The following CISD1 variants were observed in gnomAD, a reference collection of about 807,000 sequenced individuals.
CISD1 encodes the protein CDGSH iron sulfur domain 1, also known as CDGSH iron-sulfur domain-containing protein 1.
CISD1 carries 8 observed loss-of-function variants against 12.0 expected under a neutral mutation model. That is an observed-to-expected ratio of 0.67 (90% CI 0.39 to 1.20). The LOEUF is 1.20. CISD1 is among the 50% of genes most tolerant of loss of function. The pLI, the probability that CISD1 is intolerant of heterozygous loss-of-function variation, is 0.01. For missense variants in CISD1, 107 were observed against 132.7 expected (o/e 0.81, Z 0.95); for synonymous variants, 38 against 42.2 (o/e 0.90, Z 0.39).
chr10:58,271,193 C>G lies in CISD1; in HGVS notation c.31+1889C>G, dbSNP rs375736915. Among the ~76,000 whole-genome samples, 24 of 149,922 alleles carry G rather than the reference C, an allele frequency of 1.6e-4. No individual in the cohort carries two copies. In the East Asian group the frequency reaches 3.3e-3, roughly 21 times the overall value. On this transcript the variant is annotated intron_variant, in intron 1 of 2. Coordinates refer to ENST00000333926, the MANE Select transcript of CISD1 (RefSeq NM_018464.5). ...TAGCTGGGACTACAGGCGCCCGCCA[C>G]TACGCCCGGCTAATTTTTTGTATTT...
rs555344432 is a variant in CISD1, at chr10:58,272,885, C to T, written c.31+3581C>T. 5.9e-5 allele frequency among the ~76,000 whole-genome samples: 9 copies of T among 152,240 alleles called. No individual in the cohort carries two copies. In the South Asian group the frequency reaches 1.7e-3, roughly 28 times the overall value. On this transcript the variant is annotated intron_variant, in intron 1 of 2. Transcript: ENST00000333926. ...GGTGAGCTGAGATTGCACCACTGCA[C>T]TCCAGCCTGGGCAACAGTGCGAGAC...
At chr10:58,278,979 G>A (rs1588981488) in intron 2 of CISD1, among the ~76,000 whole-genome samples, 1 of 152,260 alleles carries the variant, frequency 6.6e-6, no homozygotes, top group Middle Eastern at 3.4e-3. Flanking sequence ...TTTGTTAACT[G>A]AATTAATGGT....
chr10:58,278,478 G>C (rs1316096941), intron 2 of CISD1, among the ~76,000 whole-genome samples: 2 of 150,892 alleles, frequency 1.3e-5, no homozygotes, highest in Non-Finnish European at 2.9e-5. Context: ...AGTTAGCTGT[G>C]ATTGCATCAC....
chr10:58,270,891 T>G (rs1839238784), intron 1 of CISD1, among the ~76,000 whole-genome samples: 2 of 151,990 alleles, frequency 1.3e-5, no homozygotes, highest in Non-Finnish European at 2.9e-5. Flanking sequence ...TGAGACAGAG[T>G]CTCACTCAGT....
At chr10:58,272,862 T>A (rs1839264734) in intron 1 of CISD1, among the ~76,000 whole-genome samples, 1 of 152,124 alleles carries the variant, frequency 6.6e-6, no homozygotes, top group Non-Finnish European at 1.5e-5. Flanking sequence ...GAGGTTGCGG[T>A]GAGCTGAGAT....
chr10:58,270,996 C>T (rs1374978312), intron 1 of CISD1, among the ~76,000 whole-genome samples: 1 of 151,114 alleles, frequency 6.6e-6, no homozygotes, highest in Admixed American at 6.6e-5. Flanking sequence ...CCTGGCTTCC[C>T]AAAGTGCTGA....
At chr10:58,277,500 A>C (rs958453411) in intron 2 of CISD1, among the ~76,000 whole-genome samples, 178 bp downstream of exon 2, 2 of 151,682 alleles carry the variant, frequency 1.3e-5, no homozygotes, top group East Asian at 3.9e-4. Context: ...GCTCACTGCA[A>C]CCTCCACCTC....
chr10:58,286,872 T>C (rs1256562083), intron 2 of CISD1, among the ~76,000 whole-genome samples: 5 of 152,118 alleles, frequency 3.3e-5, no homozygotes, highest in African/African-American at 4.8e-5. Context: ...TATGAAAAAA[T>C]AAGCAAAATG....
At chr10:58,278,499 C>T (rs1229114994) in intron 2 of CISD1, among the ~76,000 whole-genome samples, 2 of 151,914 alleles carry the variant, frequency 1.3e-5, no homozygotes, top group African/African-American at 4.8e-5. Flanking sequence ...GCTGTGATTG[C>T]ATCACACTGC....
chr10:58,280,256 C>G (rs1164411256), intron 2 of CISD1, among the ~76,000 whole-genome samples: 1 of 152,142 alleles, frequency 6.6e-6, no homozygotes, highest in African/African-American at 2.4e-5. Flanking sequence ...ATGGGGAGCT[C>G]CTTGACAGGG....
rs147988983 is a variant in CISD1, at chr10:58,277,718, C to T, written c.237+396C>T. 8.7e-4 allele frequency among the ~76,000 whole-genome samples: 131 copies of T among 151,256 alleles called. 2 individuals are homozygous for T. In the South Asian group the frequency reaches 9.4e-3, roughly 11 times the overall value. On this transcript the variant is annotated intron_variant, in intron 2 of 2. Transcript: ENST00000333926. ...CAGTAGAATTACGTTGTACCCTCAT[C>T]GAGTTCAGGCAGATTTAACCATATT...
chr10:58,275,656 T>C (rs1272260327), intron 1 of CISD1, among the ~76,000 whole-genome samples: 3 of 152,122 alleles, frequency 2.0e-5, no homozygotes, highest in Non-Finnish European at 4.4e-5. Context: ...TTAAGAAAAA[T>C]ACTACCGTGG....
At chr10:58,286,167 T>G (rs1430837099) in intron 2 of CISD1, among the ~76,000 whole-genome samples, 4 of 146,896 alleles carry the variant, frequency 2.7e-5, no homozygotes, top group African/African-American at 1.0e-4. Flanking sequence ...ATCGCGCCAC[T>G]GCATTCCAGC....
In CISD1 at chr10:58,270,412, C is replaced by T. The variant is rs141236463; in HGVS notation, c.31+1108C>T. On this transcript the variant is annotated intron_variant, in intron 1 of 2. Transcript: ENST00000333926. ...TTTTTTTAATAGAGGCAGCTTGGTG[C>T]ATTTAAAATAGGGTGTGATTTTTGT... Among the ~76,000 whole-genome samples, 577 of 152,196 alleles carry T rather than the reference C, an allele frequency of 3.8e-3. 3 individuals are homozygous for T. The highest frequency in any genetic ancestry group is 0.013 in the African/African-American group (534 of 41,504).
At chr10:58,273,835 TAGAAA>T (rs1311202049) in intron 1 of CISD1, among the ~76,000 whole-genome samples, 1 of 152,128 alleles carries the variant, frequency 6.6e-6, no homozygotes, top group Admixed American at 6.6e-5. Context: ...GAAATGTCTA[TAGAAA>T]AGAAAAGCGA....
At chr10:58,277,687 A>G (rs958013386) in intron 2 of CISD1, among the ~76,000 whole-genome samples, 2 of 151,744 alleles carry the variant, frequency 1.3e-5, no homozygotes, top group Non-Finnish European at 2.9e-5. Flanking sequence ...ATATCTAACC[A>G]GTATGCAGTA....
At chr10:58,272,002 C>T (rs1045993402) in intron 1 of CISD1, among the ~76,000 whole-genome samples, 1 of 152,160 alleles carries the variant, frequency 6.6e-6, no homozygotes, top group Non-Finnish European at 1.5e-5. Flanking sequence ...CATCATCCTG[C>T]TCCTTGATAA....
chr10:58,269,196 G>A lies in CISD1; in HGVS notation c.-78G>A, dbSNP rs1254848925. 2.6e-5 allele frequency: 39 copies of A among 1,475,480 alleles called. No homozygotes were observed. Among genetic ancestry groups the A allele is most frequent in the Middle Eastern group, 2.4e-4 (1 of 4,248 alleles). The allele number at this position is 1,475,480 out of a possible 1,614,324, so 91.4% of individuals were successfully genotyped here. ...GAGTCGGTGCTTTAGTACGCCGCTG[G>A]CACCTTTACTCTCGCCGGCCGCGCG... On this transcript the variant is annotated 5_prime_UTR_variant, in exon 1 of 3. Coordinates refer to ENST00000333926, the MANE Select transcript of CISD1 (RefSeq NM_018464.5).
chr10:58,271,071 G>T (rs546805034), intron 1 of CISD1, among the ~76,000 whole-genome samples: 152 of 136,374 alleles, frequency 1.1e-3, no homozygotes, highest in African/African-American at 4.5e-3. Context: ...GCGGAGTCTC[G>T]CTCTGTCGCC....
Sources: allele counts gnomAD v4.1 joint callset (sites outside exome capture counted in the v4.1 genomes callset), GRCh38; gene constraint gnomAD v4.1.1; transcripts MANE v1.5; gene names NCBI Gene and HGNC (gene_info 2026-07-23, HGNC 2026-07-21).